Variants in FRMPD4 observed in about 807,000 individuals in gnomAD.
The protein encoded by FRMPD4 is FERM and PDZ domain containing 4.
A neutral mutation model predicts 94.1 loss-of-function variants in FRMPD4; 22 were observed. The ratio of observed to expected loss-of-function variants is 0.23; its 90% CI spans 0.17 to 0.33. The LOEUF (loss-of-function observed/expected upper bound fraction) is 0.33. FRMPD4 is among the 10% of genes least tolerant of loss of function. The pLI is 1.00. For synonymous variants in FRMPD4, 631 were observed against 548.6 expected, an observed-to-expected ratio of 1.15 and a Z score of -2.10; for missense variants, 1,111 against 1,339.9, an observed-to-expected ratio of 0.83 and a Z score of 2.67.
intron 10 of FRMPD4, among the ~76,000 whole-genome samples, chrX:12,703,730 C>T (rs1281824378): frequency 8.9e-6 from 1 of 111,897 alleles, no homozygotes; most frequent in Non-Finnish European, 1.9e-5. Context: ...TGTACATCCA[C>T]GTCCATGAAT....
chrX:12,549,092 G>A (rs1878322135), intron 2 of FRMPD4, among the ~76,000 whole-genome samples: 1 of 111,454 alleles, frequency 9.0e-6, no homozygotes, highest in Non-Finnish European at 1.9e-5. Flanking sequence ...GTGCAGAATT[G>A]GGAGAATACT....
chrX:12,412,853 AT>A (rs2056751317), intron 1 of FRMPD4, among the ~76,000 whole-genome samples: 1 of 112,305 alleles, frequency 8.9e-6, no homozygotes, highest in South Asian at 3.7e-4. Flanking sequence ...ATCAAATGTT[AT>A]AGAACAGCTT....
rs1318583329 is a variant in FRMPD4, at chrX:12,414,368, A to G, written c.42-84312A>G. On this transcript the variant is annotated intron_variant, in intron 1 of 16. Transcript: ENST00000675598. ...TGAAATTTCATTATATTTGAATCAA[A>G]GACTCATTGGAGTGACTTAAAAAGC... Among the ~76,000 whole-genome samples the G allele has an allele frequency of 2.7e-5, 3 of 112,545 alleles. No homozygotes were observed. The Admixed American group carries it at 2.8e-4, about 11-fold the overall frequency.
At chrX:12,600,194 A>T (rs1452453134) in intron 2 of FRMPD4, among the ~76,000 whole-genome samples, 4 of 110,299 alleles carry the variant, frequency 3.6e-5, no homozygotes, top group African/African-American at 1.3e-4. Context: ...TATGGCTCCA[A>T]CTTGCTTACT....
At chrX:11,848,177 C>G (rs1306306002) in intron 1 of FRMPD4, among the ~76,000 whole-genome samples, 1 of 110,559 alleles carries the variant, frequency 9.0e-6, no homozygotes, top group Admixed American at 9.6e-5. Flanking sequence ...ATTTTTTTCC[C>G]TAGAGAGTTT....
intron 3 of FRMPD4, among the ~76,000 whole-genome samples, chrX:11,921,339 G>A (rs2054055111): frequency 8.9e-6 from 1 of 111,922 alleles, no homozygotes; most frequent in Non-Finnish European, 1.9e-5. Context: ...CATTCCTGGT[G>A]TCTCTTCCTC....
intron 3 of FRMPD4, among the ~76,000 whole-genome samples, chrX:11,881,915 C>CAG (rs1398935555): frequency 9.0e-6 from 1 of 111,459 alleles, no homozygotes; most frequent in Non-Finnish European, 1.9e-5. Context: ...ATACCAAGAA[C>CAG]AGAGTTACCA....
At chrX:12,348,932 C>T (rs1458579097) in intron 1 of FRMPD4, among the ~76,000 whole-genome samples, 3 of 112,365 alleles carry the variant, frequency 2.7e-5, no homozygotes, top group East Asian at 2.8e-4. Context: ...AACTAACATC[C>T]GAAGCTACCA....
At chrX:12,168,225 C>T (rs2056155821) in intron 1 of FRMPD4, among the ~76,000 whole-genome samples, 1 of 111,549 alleles carries the variant, frequency 9.0e-6, no homozygotes. Context: ...GAACAAAACA[C>T]ACTCTCCTTC....
chrX:12,518,197 T>C (rs939535220), intron 2 of FRMPD4, among the ~76,000 whole-genome samples: 55 of 111,438 alleles, frequency 4.9e-4, no homozygotes, highest in African/African-American at 1.7e-3. Flanking sequence ...ACCAGAGAGA[T>C]GACAGCCACC....
chrX:12,704,227 C>T (rs1252978746), intron 10 of FRMPD4, 132 bp from the exon 11 acceptor site: 1 of 413,334 alleles, frequency 2.4e-6, no homozygotes, highest in Non-Finnish European at 4.2e-6. Flanking sequence ...AAAGTTACTT[C>T]CTTTGGGGAC....
At chrX:12,252,186 A>G (rs1340361616) in intron 1 of FRMPD4, among the ~76,000 whole-genome samples, 1 of 111,493 alleles carries the variant, frequency 9.0e-6, no homozygotes, top group Non-Finnish European at 1.9e-5. Flanking sequence ...CTTTGTATTA[A>G]GTCATATGGC....
intron 1 of FRMPD4, among the ~76,000 whole-genome samples, chrX:12,158,447 G>C (rs1409119516): frequency 2.7e-5 from 3 of 111,631 alleles, no homozygotes; most frequent in African/African-American, 9.8e-5. Flanking sequence ...AAAAATCATA[G>C]ATGTAGACTC....
intron 1 of FRMPD4, among the ~76,000 whole-genome samples, chrX:12,247,713 T>C (rs2053975546): frequency 8.9e-6 from 1 of 112,065 alleles, no homozygotes; most frequent in African/African-American, 3.2e-5. Flanking sequence ...AGAAATTTGT[T>C]AAACAAAATT....
chrX:12,193,752 C>CA (rs1555932523), intron 1 of FRMPD4, among the ~76,000 whole-genome samples: 41 of 16,483 alleles, frequency 2.5e-3, no homozygotes, highest in African/African-American at 0.013. Flanking sequence ...CCGAAAGAAA[C>CA]AGAAAGAAAG....
chrX:12,372,477 C>T (rs988184263), intron 1 of FRMPD4, among the ~76,000 whole-genome samples: 11 of 113,010 alleles, frequency 9.7e-5, no homozygotes, highest in African/African-American at 3.5e-4. Context: ...GCCTTACAGG[C>T]CCTCTAAAGC....
At chrX:12,591,949 G>C (rs1314044404) in intron 2 of FRMPD4, among the ~76,000 whole-genome samples, 1 of 111,417 alleles carries the variant, frequency 9.0e-6, no homozygotes, top group Non-Finnish European at 1.9e-5. Context: ...TCTGTGTCCT[G>C]CCTCTCTTTC....
chrX:12,171,281 A>C (rs1428153961), intron 1 of FRMPD4, among the ~76,000 whole-genome samples: 1 of 112,140 alleles, frequency 8.9e-6, no homozygotes, highest in Non-Finnish European at 1.9e-5. Flanking sequence ...TCAGGACTTG[A>C]TGGTAGGGCC....
intron 2 of FRMPD4, among the ~76,000 whole-genome samples, chrX:12,574,304 A>G (rs1161856005): frequency 8.9e-6 from 1 of 111,882 alleles, no homozygotes; most frequent in Non-Finnish European, 1.9e-5. Flanking sequence ...CTGGCCTATT[A>G]TTGTTATTTT....
Sources: gnomAD v4.1 joint callset for allele counts (sites outside exome capture counted in the v4.1 genomes callset) on GRCh38, gnomAD v4.1.1 for gene constraint, MANE v1.5 for transcripts, NCBI Gene and HGNC (gene_info 2026-07-23, HGNC 2026-07-21) for gene names.